DENND10: variants seen among roughly 807,000 people sequenced by gnomAD.
DENND10 encodes the protein DENN domain-containing protein 10.
In DENND10, 24 loss-of-function variants were observed where a neutral mutation model predicts 43.6. The ratio of observed to expected loss-of-function variants is 0.55; its 90% CI spans 0.40 to 0.77. The LOEUF (loss-of-function observed/expected upper bound fraction) is 0.77. DENND10 is among the 30% of genes least tolerant of loss of function. DENND10 has a pLI of 0.00. For synonymous variants in DENND10, 125 were observed against 157.6 expected, an observed-to-expected ratio of 0.79 and a Z score of 1.55; for missense variants, 303 against 429.9, an observed-to-expected ratio of 0.70 and a Z score of 2.61.
intron 6 of DENND10, among the ~76,000 whole-genome samples, chr10:119,124,082 A>G (rs1335848114): frequency 1.3e-5 from 2 of 151,274 alleles, no homozygotes; most frequent in Non-Finnish European, 2.9e-5. Flanking sequence ...AATCCCAGCT[A>G]CTTGGGAGGC....
At chr10:119,104,533 A>G (rs1183315264) in intron 1 of DENND10, among the ~76,000 whole-genome samples, 4 of 149,690 alleles carry the variant, frequency 2.7e-5, no homozygotes, top group Admixed American at 2.0e-4. Context: ...CAGGCTGGGC[A>G]GCTGCGAGGG....
chr10:119,109,208 C>T (rs1297461243), intron 2 of DENND10, among the ~76,000 whole-genome samples: 1 of 110,136 alleles, frequency 9.1e-6, no homozygotes, highest in East Asian at 2.8e-4. Context: ...AAGAGCGAAA[C>T]TCCGTCTCAA....
Position 119,111,925 on chromosome 10 carries a change from G to A in DENND10, c.329G>A (p.Cys110Tyr). Reference sequence around the variant, plus strand: ...TATGCTGCCTTCACTAGGATATTGTGTAGGTCTGTATAAAAATTGTATTAA... The same window carrying A: ...TATGCTGCCTTCACTAGGATATTGTATAGGTCTGTATAAAAATTGTATTAA... The part of the protein sequence containing the change: ...EKYAAFTRIL[C>Y]RMYLKHGSPV... Residue 110 changes from cysteine (C) to tyrosine (Y), a missense_variant, in exon 3 of 9, where the codon TGT becomes TAT. Cys to Tyr is a radical substitution (Grantham distance 194). Coordinates refer to ENST00000361432, the MANE Select transcript of DENND10 (RefSeq NM_207009.4). 9 of 1,603,942 alleles carry A rather than the reference G, an allele frequency of 5.6e-6. No individual in the cohort carries two copies. The highest frequency in any genetic ancestry group is 7.7e-6 in the Non-Finnish European group (9 of 1,170,978).
chr10:119,128,605 C>CAAAA (rs144367027), intron 6 of DENND10, among the ~76,000 whole-genome samples: 4 of 140,410 alleles, frequency 2.8e-5, no homozygotes, highest in African/African-American at 1.0e-4. Context: ...GAGACTGTCT[C>CAAAA]AAAAAAAAAA....
At chr10:119,121,457 T>C (rs1160453427) in intron 5 of DENND10, among the ~76,000 whole-genome samples, 5 of 148,182 alleles carry the variant, frequency 3.4e-5, no homozygotes, top group South Asian at 2.2e-4. Flanking sequence ...TTTTTTTTTT[T>C]TTTTTTTTTT....
intron 3 of DENND10, 82 bp from the exon 4 acceptor site, chr10:119,117,437 G>C (rs1256784942): frequency 6.9e-7 from 1 of 1,439,350 alleles, no homozygotes; most frequent in East Asian, 2.4e-5. Context: ...TCTTGAGAAG[G>C]CACCCATACC....
In DENND10 at chr10:119,110,973, A is replaced by G. The variant is rs901697257; in HGVS notation, c.253-876A>G. Among the ~76,000 whole-genome samples, 9 of 152,276 alleles carry G rather than the reference A, an allele frequency of 5.9e-5. 1 individual carries two copies. In the East Asian group the frequency reaches 1.7e-3, roughly 29 times the overall value. ...TGAATGTTTTCAGCATAAAGAAAAGATAAATAGTCTGGGTGCGGTGGCTGA... is the reference window on the plus strand; with the variant it reads ...TGAATGTTTTCAGCATAAAGAAAAGGTAAATAGTCTGGGTGCGGTGGCTGA... On this transcript the variant is annotated intron_variant, in intron 2 of 8. Coordinates refer to ENST00000361432, the MANE Select transcript of DENND10 (RefSeq NM_207009.4).
chr10:119,104,392 T>TCGCC (rs1157629061), intron 1 of DENND10, among the ~76,000 whole-genome samples, 195 bp downstream of exon 1: 5 of 149,640 alleles, frequency 3.3e-5, no homozygotes, highest in Non-Finnish European at 4.5e-5. Flanking sequence ...CCCGCCGCCC[T>TCGCC]CGCCCGCCCG....
intron 6 of DENND10, among the ~76,000 whole-genome samples, chr10:119,126,444 C>T (rs1333032521): frequency 6.6e-6 from 1 of 151,802 alleles, no homozygotes; most frequent in East Asian, 1.9e-4. Flanking sequence ...TTCTTTTTCT[C>T]TACATTCTTG....
intron 3 of DENND10, chr10:119,114,625 C>T (rs1273137319): frequency 1.3e-5 from 2 of 152,286 alleles, no homozygotes; most frequent in South Asian, 2.1e-4. Flanking sequence ...CTTGGGGTCG[C>T]ACTGTGGGCT....
chr10:119,123,554 C>G lies in DENND10; in HGVS notation c.679C>G (p.Leu227Val), dbSNP rs1365179474. The G allele has an allele frequency of 6.2e-7, 1 of 1,613,074 alleles. No individual in the cohort carries two copies. Among genetic ancestry groups the G allele is most frequent in the African/African-American group, 1.3e-5 (1 of 74,994 alleles). Reference protein sequence around the residue: ...VHLNADELEALQMCTGYVAGF... With the variant: ...VHLNADELEAVQMCTGYVAGF... The stretch of plus-strand genomic sequence containing the variant: ...CCTCAACGCCGATGAGCTGGAAGCC[C>G]TGCAGATGTGCACAGGTAGACAAGA... Residue 227 changes from leucine to valine, a missense_variant, in exon 6 of 9, where the codon CTG (leucine) becomes GTG (valine). By Grantham distance (32) the Leu-to-Val change is conservative. Transcript: ENST00000361432.
At chr10:119,110,815 C>T (rs937105472) in intron 2 of DENND10, among the ~76,000 whole-genome samples, 1 of 152,108 alleles carries the variant, frequency 6.6e-6, no homozygotes, top group Non-Finnish European at 1.5e-5. Flanking sequence ...AGTTCAGGAG[C>T]TGTATGGTTG....
In DENND10 at chr10:119,107,972, G is replaced by A. The variant is rs1168475869; in HGVS notation, c.60G>A (p.Lys20=). 6.2e-7 allele frequency: 1 copy of A among 1,613,910 alleles called. No homozygotes were observed. Residue 20 remains lysine (K), a synonymous_variant, in exon 2 of 9, where the codon AAG becomes AAA. Coordinates refer to ENST00000361432, the MANE Select transcript of DENND10 (RefSeq NM_207009.4). ...QLMLGVGLIE[K]DTNGEVLWVW... Reference sequence around the variant, plus strand: ...GTGACCATCTTTCCACCGTAGAAAAGGACACAAATGGAGAAGTTCTGTGGG... The same window carrying A: ...GTGACCATCTTTCCACCGTAGAAAAAGACACAAATGGAGAAGTTCTGTGGG...
chr10:119,107,292 C>T (rs1451303823), intron 1 of DENND10, among the ~76,000 whole-genome samples: 4 of 111,756 alleles, frequency 3.6e-5, no homozygotes, highest in South Asian at 3.5e-4. Flanking sequence ...GGTGAGACTC[C>T]GCCTCAAAAA....
intron 2 of DENND10, among the ~76,000 whole-genome samples, chr10:119,108,940 C>A (rs1322466214): frequency 3.6e-5 from 1 of 28,076 alleles, no homozygotes; most frequent in Non-Finnish European, 2.9e-4. Context: ...GCAGGCCGAG[C>A]GTGTTGGCTC....
In DENND10 at chr10:119,108,071, C is replaced by A; in HGVS notation, c.159C>A (p.Asn53Lys). 6.2e-7 allele frequency: 1 copy of A among 1,613,278 alleles called. No individual in the cohort carries two copies. Among genetic ancestry groups the A allele is most frequent in the East Asian group, 2.2e-5 (1 of 44,880 alleles). ...GAAAATGCTGCCTTACAGATGAAAA[C>A]AAACTTCTCCATCCCTTTGTCTTTG... Reference protein sequence around the residue: ...LLRKCCLTDENKLLHPFVFGQ... With the variant: ...LLRKCCLTDEKKLLHPFVFGQ... Residue 53 changes from asparagine to lysine, a missense_variant, in exon 2 of 9, where the codon AAC becomes AAA. Coordinates refer to ENST00000361432, the MANE Select transcript of DENND10 (RefSeq NM_207009.4).
chr10:119,106,691 T>C (rs564279538), intron 1 of DENND10, among the ~76,000 whole-genome samples: 1 of 152,310 alleles, frequency 6.6e-6, no homozygotes, highest in Admixed American at 6.5e-5. Context: ...TGGTTTGAAA[T>C]ATTTCACTAT....
intron 2 of DENND10, among the ~76,000 whole-genome samples, chr10:119,110,615 C>T (rs576545436): frequency 6.6e-6 from 1 of 152,156 alleles, no homozygotes; most frequent in Non-Finnish European, 1.5e-5. Context: ...TGCCACCATT[C>T]CTGGCTAATT....
chr10:119,132,457 G>A lies in DENND10; in HGVS notation c.803-58G>A. 7.0e-7 allele frequency: 1 copy of A among 1,433,116 alleles called. No individual in the cohort carries two copies. Among genetic ancestry groups the A allele is most frequent in the Admixed American group, 1.7e-5 (1 of 59,248 alleles). The allele number at this position is 1,433,116 out of a possible 1,614,324, so 88.8% of individuals were successfully genotyped here. On this transcript the variant is annotated intron_variant, in intron 7 of 8. Transcript: ENST00000361432. This position sits in a 1 kb window ranked among gnomAD's most constrained non-coding sequence, Gnocchi z 4.2. ...GTGTGGTCTTCCAAGTTTTCAGATA[G>A]ATGGCATGATTATTTTTTATGTCGA...
Sources: allele counts gnomAD v4.1 joint callset (sites outside exome capture counted in the v4.1 genomes callset), GRCh38; gene constraint gnomAD v4.1.1; non-coding constraint Gnocchi (gnomAD v3.1); transcripts MANE v1.5; gene names NCBI Gene and HGNC (gene_info 2026-07-23, HGNC 2026-07-21).